Variants in BTRC observed in about 807,000 individuals in gnomAD.
BTRC encodes beta-transducin repeat containing E3 ubiquitin protein ligase, also known as F-box/WD repeat-containing protein 1A.
In BTRC, 42 loss-of-function variants were observed where a neutral mutation model predicts 85.5. The observed-to-expected ratio is 0.49, with a 90% CI of 0.38 to 0.64. The LOEUF (loss-of-function observed/expected upper bound fraction) is 0.64. Ranked by LOEUF, BTRC falls within the 30% of genes least tolerant of loss-of-function variation. BTRC has a pLI of 0.00. For synonymous variants in BTRC, 255 were observed against 263.3 expected, an observed-to-expected ratio of 0.97 and a Z score of 0.30; for missense variants, 594 against 743.5, an observed-to-expected ratio of 0.80 and a Z score of 2.34.
At chr10:101,468,422 GT>G (rs567201296) in intron 3 of BTRC, among the ~76,000 whole-genome samples, 171 of 152,028 alleles carry the variant, frequency 1.1e-3, no homozygotes, top group African/African-American at 3.7e-3. Flanking sequence ...GAGGAAGCCT[GT>G]TGTGCTCATC....
rs755477503 is a variant in BTRC at position 101,531,286 on chromosome 10, A to G, written c.793A>G (p.Asn265Asp). 1 of 1,611,482 alleles carries G rather than the reference A, an allele frequency of 6.2e-7. No homozygotes were observed. The highest frequency in any genetic ancestry group is 8.5e-7 in the Non-Finnish European group (1 of 1,177,590). ...ACCTCCTGACGGGAATGCTCCTCCC[A>G]ACTCTTTTTATAGAGCACTTTATCC... ...NKPPDGNAPPNSFYRALYPKI... is the reference protein window; with the variant it reads ...NKPPDGNAPPDSFYRALYPKI... Residue 265 changes from asparagine to aspartate, a missense_variant, in exon 7 of 15, where the codon AAC becomes GAC. Coordinates refer to ENST00000370187, the MANE Select transcript of BTRC (RefSeq NM_033637.4).
chr10:101,360,662 C>T (rs1417539657), intron 1 of BTRC, among the ~76,000 whole-genome samples: 2 of 152,124 alleles, frequency 1.3e-5, no homozygotes, highest in African/African-American at 4.8e-5. Flanking sequence ...TTAGCTACCG[C>T]GTCTGGCCTC....
At chr10:101,406,524 CTTTTTTTTTTTTTTTTTTT>C (rs58902120) in intron 1 of BTRC, among the ~76,000 whole-genome samples, 1 of 50,424 alleles carries the variant, frequency 2.0e-5, no homozygotes, top group South Asian at 9.8e-4. Context: ...TCTCAGGTTT[CTTTTTTTTTTTTTTTTTTT>C]TTTTTTTTTG....
At chr10:101,489,940 A>G (rs1485896573) in intron 4 of BTRC, among the ~76,000 whole-genome samples, 2 of 152,206 alleles carry the variant, frequency 1.3e-5, no homozygotes, top group African/African-American at 4.8e-5. Flanking sequence ...TTAACAAGTC[A>G]CCTTAAAGTC....
chr10:101,402,637 G>T (rs757046868), intron 1 of BTRC, among the ~76,000 whole-genome samples: 1 of 152,094 alleles, frequency 6.6e-6, no homozygotes, highest in East Asian at 1.9e-4. Flanking sequence ...GAATTTTATT[G>T]CTGTAAGGTA....
intron 9 of BTRC, among the ~76,000 whole-genome samples, chr10:101,533,737 A>G (rs926247875): frequency 3.3e-5 from 5 of 152,212 alleles, no homozygotes; most frequent in Admixed American, 2.0e-4. Context: ...AAAGCGGTTA[A>G]GTGCATTGTT....
chr10:101,416,797 G>A (rs1351338761), intron 1 of BTRC, among the ~76,000 whole-genome samples: 1 of 152,040 alleles, frequency 6.6e-6, no homozygotes, highest in Non-Finnish European at 1.5e-5. Flanking sequence ...TGCCCCTAAA[G>A]TTTTGGCTGT....
intron 6 of BTRC, 41 bp downstream of exon 6, chr10:101,526,240 C>G: frequency 6.4e-7 from 1 of 1,558,324 alleles, no homozygotes; most frequent in South Asian, 1.2e-5. Context: ...GGCTTCAGGA[C>G]CTGGCCATTC....
intron 3 of BTRC, among the ~76,000 whole-genome samples, chr10:101,464,548 C>G (rs145188677): frequency 7.0e-6 from 1 of 143,474 alleles, no homozygotes; most frequent in Admixed American, 7.0e-5. Context: ...CCCACCCCCC[C>G]CATGGTGCTT....
chr10:101,428,585 G>T lies in BTRC; in HGVS notation c.49-1760G>T, dbSNP rs199850714. Among the ~76,000 whole-genome samples the T allele has an allele frequency of 3.3e-5, 5 of 152,234 alleles. No individual in the cohort carries two copies. The East Asian group carries it at 9.7e-4, about 29-fold the overall frequency. On this transcript the variant is annotated intron_variant, in intron 1 of 14. Coordinates refer to ENST00000370187, the MANE Select transcript of BTRC (RefSeq NM_033637.4). ...CCACTTTATGACTGAGGGATGGATG[G>T]AGGCAGGAGGAAGAATTCTGCACTA...
At chr10:101,375,103 C>T (rs1258196363) in intron 1 of BTRC, among the ~76,000 whole-genome samples, 1 of 152,192 alleles carries the variant, frequency 6.6e-6, no homozygotes, top group African/African-American at 2.4e-5. Context: ...TGATTTGGCT[C>T]TGTACCCACC....
At chr10:101,384,056 T>C (rs951457970) in intron 1 of BTRC, among the ~76,000 whole-genome samples, 36 of 152,192 alleles carry the variant, frequency 2.4e-4, no homozygotes, top group African/African-American at 8.2e-4. Context: ...TTTATATTTG[T>C]CGAATTTTCT....
intron 2 of BTRC, among the ~76,000 whole-genome samples, chr10:101,433,151 C>G (rs1378181785): frequency 6.6e-6 from 1 of 152,142 alleles, no homozygotes; most frequent in Non-Finnish European, 1.5e-5. Flanking sequence ...AAGAGTAATT[C>G]TTCACTACAC....
At chr10:101,492,820 G>A (rs1946167256) in intron 4 of BTRC, among the ~76,000 whole-genome samples, 1 of 152,092 alleles carries the variant, frequency 6.6e-6, no homozygotes, top group African/African-American at 2.4e-5. Flanking sequence ...TAGTTTTGTG[G>A]ATATGGTATG....
At chr10:101,483,411 G>A (rs996788371) in intron 4 of BTRC, among the ~76,000 whole-genome samples, 1 of 152,166 alleles carries the variant, frequency 6.6e-6, no homozygotes, top group African/African-American at 2.4e-5. Context: ...CAACCAACAT[G>A]GTGAAACCCT....
intron 2 of BTRC, among the ~76,000 whole-genome samples, chr10:101,458,025 C>T (rs551258665): frequency 2.3e-4 from 35 of 152,188 alleles, no homozygotes; most frequent in Non-Finnish European, 4.4e-4. Flanking sequence ...AAGTTACAGA[C>T]GTAATGTTCC....
chr10:101,515,280 T>C (rs531215595), intron 4 of BTRC, among the ~76,000 whole-genome samples: 3 of 152,170 alleles, frequency 2.0e-5, no homozygotes, highest in South Asian at 4.2e-4. Context: ...CAGGAATATT[T>C]TGGTTAAGTT....
At chr10:101,380,631 A>G (rs1942905616) in intron 1 of BTRC, among the ~76,000 whole-genome samples, 1 of 152,232 alleles carries the variant, frequency 6.6e-6, no homozygotes, top group East Asian at 1.9e-4. Flanking sequence ...TCAAGTACAT[A>G]CATGTACATC....
At chr10:101,522,408 C>CTTTTTTTT in intron 5 of BTRC, among the ~76,000 whole-genome samples, 1 of 33,348 alleles carries the variant, frequency 3.0e-5, no homozygotes, top group Non-Finnish European at 7.9e-5. Flanking sequence ...AATAAAGACT[C>CTTTTTTTT]CTTTTTTTTT....
Sources: gnomAD v4.1 joint callset for allele counts (sites outside exome capture counted in the v4.1 genomes callset) on GRCh38, gnomAD v4.1.1 for gene constraint, MANE v1.5 for transcripts, NCBI Gene and HGNC (gene_info 2026-07-23, HGNC 2026-07-21) for gene names.